Variants in PDZD7 observed in about 807,000 individuals in gnomAD.
PDZD7 encodes the protein PDZ domain-containing protein 7.
A neutral mutation model predicts 84.7 loss-of-function variants in PDZD7; 72 were observed. That is an observed-to-expected ratio of 0.85 (90% CI 0.70 to 1.03). The LOEUF is 1.03. Ranked by LOEUF, PDZD7 falls within the 50% of genes least tolerant of loss-of-function variation. The probability of loss-of-function intolerance (pLI) is 0.00; values close to 1 mark genes in which losing one functional copy is unlikely to be tolerated. For missense variants in PDZD7, 1,490 were observed against 1,412.9 expected (o/e 1.05, Z -0.87); for synonymous variants, 594 against 580.7 (o/e 1.02, Z -0.33).
intron 11 of PDZD7, 88 bp downstream of exon 11, chr10:101,015,548 A>G: frequency 6.8e-7 from 1 of 1,463,976 alleles, no homozygotes; most frequent in Non-Finnish European, 9.2e-7. Flanking sequence ...AAGCCCAGAC[A>G]CTGGTCAGTG....
At chr10:101,025,249 G>A (rs367926286) in intron 2 of PDZD7, among the ~76,000 whole-genome samples, 8 of 150,916 alleles carry the variant, frequency 5.3e-5, no homozygotes, top group African/African-American at 1.5e-4. Context: ...TTGCTCTGTC[G>A]CTGAGGCTAG....
Position 101,019,139 on chromosome 10 carries a change from G to C in PDZD7, c.1007C>G (p.Pro336Arg). 1 of 1,545,834 alleles carries C rather than the reference G, an allele frequency of 6.5e-7. No individual in the cohort carries two copies. The highest frequency in any genetic ancestry group is 8.7e-7 in the Non-Finnish European group (1 of 1,152,048). Residue 336 changes from proline (P) to arginine (R), a missense_variant, in exon 8 of 17, where the codon CCC (proline) becomes CGC (arginine). Transcript: ENST00000619208. ...SSVSSCASSAPYSSGSLPSDR... is the reference protein window; with the variant it reads ...SSVSSCASSARYSSGSLPSDR... ...CGACGGCAGGGAGCCCGAGCTGTAG[G>C]GGGCGCTGGAGGCGCACGAAGAGAC...
Position 101,011,234 on chromosome 10 carries a change from G to C in PDZD7, c.2006-351C>G, listed in dbSNP as rs1564627953. 1.1e-5 allele frequency: 5 copies of C among 434,836 alleles called. No individual in the cohort carries two copies. The South Asian group carries it at 1.5e-4, about 13-fold the overall frequency. The allele number at this position is 434,836 out of a possible 1,614,324, so 26.9% of individuals were successfully genotyped here. ...TTTTTGTATTTTTAGTAGAGACGGG[G>C]TTTCGCCATGTTGGCCAGGTTGGTC... On this transcript the variant is annotated intron_variant, in intron 14 of 16. Coordinates refer to ENST00000619208, the MANE Select transcript of PDZD7 (RefSeq NM_001195263.2).
In PDZD7 at chr10:101,010,694, C is replaced by T; in HGVS notation, c.2195G>A (p.Cys732Tyr). The change falls in exon 15 of 17, where the codon TGC (cysteine) becomes TAC (tyrosine). Residue 732 changes from cysteine (C) to tyrosine (Y), a missense_variant. By Grantham distance (194) the Cys-to-Tyr change is radical. Coordinates refer to ENST00000619208, the MANE Select transcript of PDZD7 (RefSeq NM_001195263.2). ...GGGGGGTAGCTGGGGAGGGGGTGTG[C>T]AGGCAATTCGGAGGGGGGTGAAGGC... ...VDAFTPLRIA[C>Y]TPPPQLPPVA... The T allele has an allele frequency of 6.7e-7, 1 of 1,503,362 alleles. No individual in the cohort carries two copies. The highest frequency in any genetic ancestry group is 8.8e-7 in the Non-Finnish European group (1 of 1,133,956). 93.1% of individuals were successfully genotyped at this position (1,503,362 alleles called of 1,614,324 possible). A position where few individuals can be genotyped will look rare whatever the true frequency, so the allele number is the denominator to read the frequency against.
At position 101,027,367 on chromosome 10, in the gene PDZD7, C is replaced by T. The variant is rs549334433; in HGVS notation, c.226+2627G>A. ...CTGCCTGCAGTGCTCCTGCCCAGGC[C>T]TTTAGAAGGTCAGCTCCTCTTCCTC... On this transcript the variant is annotated intron_variant, in intron 2 of 16. Transcript: ENST00000619208. Among the ~76,000 whole-genome samples the T allele has an allele frequency of 8.5e-5, 13 of 152,190 alleles. No individual in the cohort carries two copies. In the South Asian group the frequency reaches 2.7e-3, roughly 32 times the overall value.
At chr10:101,029,911 G>T in intron 2 of PDZD7, 83 bp downstream of exon 2, 3 of 1,402,264 alleles carry the variant, frequency 2.1e-6, no homozygotes, top group Non-Finnish European at 3.0e-6. Context: ...AATCATACTG[G>T]CTCTGCCTCC....
In PDZD7 at chr10:101,022,276, C is replaced by T. The variant is rs142301501; in HGVS notation, c.652G>A (p.Asp218Asn). The change falls in exon 5 of 17, where the codon GAC becomes AAC. Residue 218 changes from aspartate to asparagine, a missense_variant. By Grantham distance (23) the Asp-to-Asn change is conservative (BLOSUM62 1). Transcript: ENST00000619208. ...ATGTTGAAGCCCAGGCAGAAGTCGT[C>T]GGAGGTTGTGTATAGGTGGACGATG... is the stretch of plus-strand genomic sequence containing the variant. ...RRIVHLYTTS[D>N]DFCLGFNIRG... 1.9e-4 allele frequency: 304 copies of T among 1,614,228 alleles called. No homozygotes were observed. The highest frequency in any genetic ancestry group is 3.6e-4 in the African/African-American group (27 of 75,056).
rs397516635 is a variant in PDZD7, at chr10:101,010,478, G to A, written c.2411C>T (p.Ala804Val). 3.4e-4 allele frequency: 524 copies of A among 1,535,392 alleles called. 1 individual carries two copies. The African/African-American group carries it at 6.0e-3, about 18-fold the overall frequency. ...GTAGCGCCCATTGGTCATGCTGGGGGCAGGGGTAGGCACCGGGGATGGGGA... is the reference window on the plus strand; with the variant it reads ...GTAGCGCCCATTGGTCATGCTGGGGACAGGGGTAGGCACCGGGGATGGGGA... Reference protein sequence around the residue: ...RRSPSPVPTPAPSMTNGRYHK... With the variant: ...RRSPSPVPTPVPSMTNGRYHK... Residue 804 changes from alanine (A) to valine (V), a missense_variant, in exon 15 of 17, where the codon GCC (alanine) becomes GTC (valine). Coordinates refer to ENST00000619208, the MANE Select transcript of PDZD7 (RefSeq NM_001195263.2).
chr10:101,025,016 G>A (rs1937615224), intron 2 of PDZD7, among the ~76,000 whole-genome samples: 1 of 152,102 alleles, frequency 6.6e-6, no homozygotes, highest in South Asian at 2.1e-4. Context: ...TCATCAGCTT[G>A]CAGCATAAAT....
chr10:101,008,591 G>A lies in PDZD7; in HGVS notation c.2978C>T (p.Pro993Leu). 6.5e-7 allele frequency: 1 copy of A among 1,536,040 alleles called. No homozygotes were observed. Among genetic ancestry groups the A allele is most frequent in the Non-Finnish European group, 8.7e-7 (1 of 1,146,882 alleles). Residue 993 changes from proline to leucine, a missense_variant, in exon 17 of 17, where the codon CCT (proline) becomes CTT (leucine). Pro to Leu is a moderately conservative substitution (Grantham distance 98, BLOSUM62 -3). Coordinates refer to ENST00000619208, the MANE Select transcript of PDZD7 (RefSeq NM_001195263.2). ...GGGAGGAGTCTGGGGATTGGTGGGA[G>A]GTTCTGGGAGCCAGTGGGCAGGAAC... ...APVPAHWLPE[P>L]PTNPQTPPTD...
At chr10:101,025,370 C>T (rs938380620) in intron 2 of PDZD7, among the ~76,000 whole-genome samples, 10 of 151,684 alleles carry the variant, frequency 6.6e-5, no homozygotes, top group South Asian at 2.1e-4. Context: ...CCACCACACC[C>T]GGCTAATTTT....
rs764326311 is a variant in PDZD7 at position 101,022,314 on chromosome 10, T to C, written c.614A>G (p.Asp205Gly). 1 of 1,614,052 alleles carries C rather than the reference T, an allele frequency of 6.2e-7. No individual in the cohort carries two copies. Among genetic ancestry groups the C allele is most frequent in the East Asian group, 2.2e-5 (1 of 44,882 alleles). The part of the protein sequence containing the change: ...GSTPSDTSSE[D>G]GVRRIVHLYT... ...TAGGTGGACGATGCGCCGGACACCATCTTCTGAGCTGGTGTCGGAGGGTGT... is the reference window on the plus strand; with the variant it reads ...TAGGTGGACGATGCGCCGGACACCACCTTCTGAGCTGGTGTCGGAGGGTGT... The change falls in exon 5 of 17, where the codon GAT (aspartate) becomes GGT (glycine). Residue 205 changes from aspartate to glycine, a missense_variant. Asp to Gly is a moderately conservative substitution (Grantham distance 94, BLOSUM62 -1). Transcript: ENST00000619208.
At chr10:101,014,351 T>C (rs2134015062) in intron 11 of PDZD7, among the ~76,000 whole-genome samples, 1 of 151,912 alleles carries the variant, frequency 6.6e-6, no homozygotes, top group East Asian at 1.9e-4. Flanking sequence ...GTTTGGGTGG[T>C]GGTTGAGCTC....
rs765091855 is a variant in PDZD7 at position 101,020,672 on chromosome 10, C to A, written c.874G>T (p.Gly292Cys). 9.9e-6 allele frequency: 16 copies of A among 1,613,732 alleles called. No homozygotes were observed. The highest frequency in any genetic ancestry group is 6.7e-5 in the Admixed American group (4 of 59,994). Residue 292 changes from glycine to cysteine, a missense_variant, in exon 7 of 17, where the codon GGC becomes TGC. Transcript: ENST00000619208. ...THIMLTIKET[G>C]RYPAYKEMVS... ...ATCTCCTTGTAGGCAGGATACCGGC[C>A]GGTCTCCTGGGGAGGGGATGGTGGG...
At chr10:101,014,723 G>GCACA (rs372593109) in intron 11 of PDZD7, among the ~76,000 whole-genome samples, 4 of 149,576 alleles carry the variant, frequency 2.7e-5, no homozygotes, top group South Asian at 4.2e-4. Flanking sequence ...TTGCTCACAT[G>GCACA]CACACACACA....
intron 2 of PDZD7, among the ~76,000 whole-genome samples, chr10:101,024,519 A>G (rs1051245208): frequency 1.3e-5 from 2 of 152,162 alleles, no homozygotes; most frequent in Non-Finnish European, 2.9e-5. Flanking sequence ...TTGGGATTAT[A>G]GGTATGAGCC....
intron 4 of PDZD7, chr10:101,023,214 G>C (rs1211664124): frequency 1.7e-6 from 1 of 600,104 alleles, no homozygotes; most frequent in East Asian, 2.9e-5. Flanking sequence ...CGGCAATGTG[G>C]CAGCAGAACC....
chr10:101,014,327 G>A (rs1403206168), intron 11 of PDZD7, among the ~76,000 whole-genome samples: 2 of 152,126 alleles, frequency 1.3e-5, no homozygotes, highest in African/African-American at 2.4e-5. Context: ...CTTGGTGTGG[G>A]GGGCTTGGGT....
In PDZD7 at chr10:101,021,880, T is replaced by C. The variant is rs774077448; in HGVS notation, c.785A>G (p.Asn262Ser). The change falls in exon 6 of 17, where the codon AAC becomes AGC. Residue 262 changes from asparagine to serine, a missense_variant. Physicochemically the swap from Asn to Ser is conservative, Grantham distance 46. Transcript: ENST00000619208. Reference sequence around the variant, plus strand: ...GCTGATGTCGTCAAACCTGACACCGTTGGCTGCCAGGACCTGGTCCCCCAC... The same window carrying C: ...GCTGATGTCGTCAAACCTGACACCGCTGGCTGCCAGGACCTGGTCCCCCAC... The part of the protein sequence containing the change: ...IKVGDQVLAA[N>S]GVRFDDISHS... 1.3e-5 allele frequency: 21 copies of C among 1,614,066 alleles called. No homozygotes were observed. The highest frequency in any genetic ancestry group is 5.0e-5 in the Admixed American group (3 of 60,010).
Sources: allele counts gnomAD v4.1 joint callset (sites outside exome capture counted in the v4.1 genomes callset), GRCh38; gene constraint gnomAD v4.1.1; transcripts MANE v1.5; gene names NCBI Gene and HGNC (gene_info 2026-07-23, HGNC 2026-07-21).